Variants in TMEM132B observed in about 807,000 individuals in gnomAD.
TMEM132B encodes the protein transmembrane protein 132B.
A neutral mutation model predicts 90.8 loss-of-function variants in TMEM132B; 18 were observed. The observed-to-expected ratio is 0.20, with a 90% CI of 0.14 to 0.29. The LOEUF is 0.29. Among genes scored for constraint, TMEM132B ranks in the 10% least tolerant of loss-of-function variants. TMEM132B has a pLI of 1.00. For synonymous variants in TMEM132B, 504 were observed against 523.3 expected, an observed-to-expected ratio of 0.96 and a Z score of 0.50; for missense variants, 1,096 against 1,326.8, an observed-to-expected ratio of 0.83 and a Z score of 2.70.
chr12:125,531,409 TA>T (rs1883644405), intron 4 of TMEM132B, among the ~76,000 whole-genome samples: 1 of 152,118 alleles, frequency 6.6e-6, no homozygotes, highest in Non-Finnish European at 1.5e-5. Flanking sequence ...GGCTGTTCTC[TA>T]ACTCCTGGGC....
At chr12:125,222,601 T>G (rs886935285) in intron 1 of TMEM132B, among the ~76,000 whole-genome samples, 2 of 152,246 alleles carry the variant, frequency 1.3e-5, no homozygotes, top group Non-Finnish European at 2.9e-5. Flanking sequence ...TACTTGCCAA[T>G]GAACTGACAA....
intron 4 of TMEM132B, among the ~76,000 whole-genome samples, chr12:125,560,415 T>C (rs1250634293): frequency 6.6e-6 from 1 of 152,182 alleles, no homozygotes; most frequent in Non-Finnish European, 1.5e-5. Flanking sequence ...AAGAAGACAT[T>C]TATGCGGCCA....
At chr12:125,426,604 C>T (rs567471661) in intron 3 of TMEM132B, among the ~76,000 whole-genome samples, 22 of 152,338 alleles carry the variant, frequency 1.4e-4, no homozygotes, top group South Asian at 1.2e-3. Context: ...TGGCAACATG[C>T]AGGTTCATAC....
chr12:125,490,619 C>T lies in TMEM132B; in HGVS notation c.1107-28820C>T, dbSNP rs190911098. On this transcript the variant is annotated intron_variant, in intron 3 of 8. Coordinates refer to ENST00000682704, the MANE Select transcript of TMEM132B (RefSeq NM_001366854.1). This position sits in a 1 kb window ranked among gnomAD's most constrained non-coding sequence, Gnocchi z 4.2. ...GCTCGACTACAGACACCTGCCACCA[C>T]GCCTGGCTAATTTTTTGTGTGTGTT... Among the ~76,000 whole-genome samples, 22 of 152,156 alleles carry T rather than the reference C, an allele frequency of 1.4e-4. No individual in the cohort carries two copies. Among genetic ancestry groups the T allele is most frequent in the Non-Finnish European group, 2.1e-4 (14 of 68,008 alleles).
intron 8 of TMEM132B, among the ~76,000 whole-genome samples, chr12:125,653,063 C>G (rs1886966736): frequency 6.6e-6 from 1 of 152,228 alleles, no homozygotes; most frequent in African/African-American, 2.4e-5. Flanking sequence ...CATCTCTAAA[C>G]TTCTATAAAT....
In TMEM132B at chr12:125,650,688, C is replaced by T. The variant is rs775011141; in HGVS notation, c.1649C>T (p.Thr550Ile). The part of the protein sequence containing the change: ...RIPVAANRRP[T>I]RESDDEDDEE... ...TTCGATTCCTTGTGCTCCAGGCCTA[C>T]CCGGGAAAGCGATGACGAGGACGAT... Residue 550 changes from threonine (T) to isoleucine (I), a missense_variant, in exon 7 of 9, where the codon ACC becomes ATC. Transcript: ENST00000682704. 2 of 1,607,352 alleles carry T rather than the reference C, an allele frequency of 1.2e-6. No individual in the cohort carries two copies. Among genetic ancestry groups the T allele is most frequent in the East Asian group, 2.2e-5 (1 of 44,650 alleles).
intron 5 of TMEM132B, among the ~76,000 whole-genome samples, chr12:125,609,469 C>T (rs1245947198): frequency 2.6e-5 from 4 of 152,060 alleles, no homozygotes; most frequent in African/African-American, 7.2e-5. Flanking sequence ...ATAGAAATTG[C>T]ATTGGATTTG....
At chr12:125,373,235 G>A (rs923120133) in intron 2 of TMEM132B, among the ~76,000 whole-genome samples, 6 of 152,154 alleles carry the variant, frequency 3.9e-5, no homozygotes, top group East Asian at 1.9e-4. Flanking sequence ...TTTACATCTC[G>A]GATACAGCCA....
chr12:125,501,420 T>C lies in TMEM132B; in HGVS notation c.1107-18019T>C, dbSNP rs375071749. On this transcript the variant is annotated intron_variant, in intron 3 of 8. Coordinates refer to ENST00000682704, the MANE Select transcript of TMEM132B (RefSeq NM_001366854.1). ...AAGGTACATGTGCAGAATGTGTGGG[T>C]TTGTTACATAGGTAAACATGTGCCA... is the stretch of plus-strand genomic sequence containing the variant. 3.9e-5 allele frequency among the ~76,000 whole-genome samples: 6 copies of C among 152,216 alleles called. No individual in the cohort carries two copies. The East Asian group carries it at 9.6e-4, about 24-fold the overall frequency.
rs80052761 is a variant in TMEM132B at position 125,650,149 on chromosome 12, G to A, written c.1644-534G>A. 8.3e-3 allele frequency among the ~76,000 whole-genome samples: 1,256 copies of A among 152,204 alleles called. 8 individuals carry two copies. The highest frequency in any genetic ancestry group is 0.013 in the Non-Finnish European group (869 of 68,002). On this transcript the variant is annotated intron_variant, in intron 6 of 8. Coordinates refer to ENST00000682704, the MANE Select transcript of TMEM132B (RefSeq NM_001366854.1). ...GTCCACTGCTGATGGTTCCTGGTTGGTCTGGGGTTCCTAAAGGGCCATTTC... is the reference window on the plus strand; with the variant it reads ...GTCCACTGCTGATGGTTCCTGGTTGATCTGGGGTTCCTAAAGGGCCATTTC...
intron 5 of TMEM132B, among the ~76,000 whole-genome samples, chr12:125,640,724 A>G (rs4765267): frequency 0.21 from 31,818 of 151,942 alleles, 3,864 homozygotes; most frequent in Admixed American, 0.36. Flanking sequence ...CCCTTTCTCT[A>G]TGCTGGATTC....
At chr12:125,366,643 G>C (rs1040439446) in intron 2 of TMEM132B, among the ~76,000 whole-genome samples, 19 of 152,076 alleles carry the variant, frequency 1.2e-4, no homozygotes, top group Admixed American at 2.0e-4. Flanking sequence ...GCAGAGGTAT[G>C]GACTTTTAAA....
chr12:125,348,880 G>A (rs1877456714), intron 1 of TMEM132B, among the ~76,000 whole-genome samples: 1 of 152,186 alleles, frequency 6.6e-6, no homozygotes. Flanking sequence ...AGATAGATAA[G>A]CCTGTGTGCA....
chr12:125,529,579 C>T (rs527446183), intron 4 of TMEM132B, among the ~76,000 whole-genome samples: 64 of 152,236 alleles, frequency 4.2e-4, no homozygotes, highest in Middle Eastern at 3.4e-3. Context: ...GGGATTCAGA[C>T]GGGGGTAGCC....
intron 1 of TMEM132B, among the ~76,000 whole-genome samples, chr12:125,210,780 A>G (rs899969441): frequency 4.6e-5 from 7 of 152,194 alleles, no homozygotes; most frequent in African/African-American, 1.7e-4. Flanking sequence ...CCTGGGCAAC[A>G]TAGTGGATCC....
At chr12:125,240,805 G>A (rs192100130) in intron 1 of TMEM132B, among the ~76,000 whole-genome samples, 70 of 152,328 alleles carry the variant, frequency 4.6e-4, no homozygotes, top group African/African-American at 1.5e-3. Context: ...GGACTCTGTG[G>A]TGGGATTAGT....
intron 4 of TMEM132B, among the ~76,000 whole-genome samples, chr12:125,556,451 C>T (rs1031293618): frequency 4.6e-5 from 7 of 152,080 alleles, no homozygotes; most frequent in South Asian, 2.1e-4. Context: ...TAACTCCAGA[C>T]GGTGGTATAT....
chr12:125,222,198 T>A (rs1229005592), intron 1 of TMEM132B, among the ~76,000 whole-genome samples: 1 of 152,150 alleles, frequency 6.6e-6, no homozygotes, highest in African/African-American at 2.4e-5. Flanking sequence ...CAGGGGACAA[T>A]AAGTTTCTCT....
intron 1 of TMEM132B, among the ~76,000 whole-genome samples, chr12:125,320,037 C>T (rs934191829): frequency 1.3e-5 from 2 of 152,044 alleles, no homozygotes; most frequent in Admixed American, 6.5e-5. Context: ...AGGGAGCCAC[C>T]GGTCTAGGGC....
Sources: gnomAD v4.1 joint callset for allele counts (sites outside exome capture counted in the v4.1 genomes callset) on GRCh38, gnomAD v4.1.1 for gene constraint, Gnocchi (gnomAD v3.1) non-coding constraint, MANE v1.5 for transcripts, NCBI Gene and HGNC (gene_info 2026-07-23, HGNC 2026-07-21) for gene names.